PC: variants seen among roughly 807,000 people sequenced by gnomAD.
The protein encoded by PC is pyruvate carboxylase.
In PC, 46 loss-of-function variants were observed where a neutral mutation model predicts 107.8. That is an observed-to-expected ratio of 0.43 (90% CI 0.34 to 0.55). The LOEUF (loss-of-function observed/expected upper bound fraction) is 0.55. Ranked by LOEUF, PC falls within the 20% of genes least tolerant of loss-of-function variation. The pLI is 0.04. For synonymous variants in PC, 662 were observed against 684.7 expected (o/e 0.97, Z 0.52); for missense variants, 1,241 against 1,643.1 (o/e 0.76, Z 4.23).
Position 66,857,816 on chromosome 11 carries a change from G to A in PC, c.1369-4433C>T, listed in dbSNP as rs368861787. 6.2e-7 allele frequency: 1 copy of A among 1,602,924 alleles called. No individual in the cohort carries two copies. The highest frequency in any genetic ancestry group is 8.5e-7 in the Non-Finnish European group (1 of 1,179,726). On this transcript the variant is annotated intron_variant, in intron 12 of 22. Coordinates refer to ENST00000393960, the MANE Select transcript of PC (RefSeq NM_001040716.2). This position sits in a 1 kb window ranked among gnomAD's most constrained non-coding sequence, Gnocchi z 7.1. ...CCTGCCCGCTGCCCTGCGTCTGCCAGAACCTGTCCGAGTCGCTCAGCACCC... is the reference window on the plus strand; with the variant it reads ...CCTGCCCGCTGCCCTGCGTCTGCCAAAACCTGTCCGAGTCGCTCAGCACCC...
chr11:66,915,463 C>T (rs940087239), intron 3 of PC, among the ~76,000 whole-genome samples: 11 of 152,226 alleles, frequency 7.2e-5, no homozygotes, highest in African/African-American at 2.4e-4. Flanking sequence ...GCTGTGTCTC[C>T]AGCATGAAGC....
In PC at chr11:66,870,760, G is replaced by T. The variant is rs202075789; in HGVS notation, c.751+15C>A. 3.6e-5 allele frequency: 57 copies of T among 1,604,956 alleles called. No individual in the cohort carries two copies. The highest frequency in any genetic ancestry group is 4.5e-5 in the Non-Finnish European group (53 of 1,175,028). On this transcript the variant is annotated intron_variant, in intron 8 of 22. Coordinates refer to ENST00000393960, the MANE Select transcript of PC (RefSeq NM_001040716.2). The surrounding 1 kb of genome is among the most constrained non-coding windows in gnomAD (Gnocchi z 6.1). Reference sequence around the variant, plus strand: ...CGCCTCCAGCTGCCCCAGGCGGGGCGTCAGGACCACTCACCCAAGATCTGC... The same window carrying T: ...CGCCTCCAGCTGCCCCAGGCGGGGCTTCAGGACCACTCACCCAAGATCTGC...
At chr11:66,948,611 G>A (rs918109708) in intron 3 of PC, among the ~76,000 whole-genome samples, 12 of 152,182 alleles carry the variant, frequency 7.9e-5, no homozygotes, top group African/African-American at 1.4e-4. Context: ...AGGCCAAGGC[G>A]GGCTGATTGC....
intron 18 of PC, 64 bp from the exon 19 acceptor site, chr11:66,850,528 A>G (rs1417391144): frequency 2.4e-5 from 38 of 1,610,818 alleles, no homozygotes; most frequent in Non-Finnish European, 2.5e-6. Context: ...ACCCAGGGCT[A>G]GCTCAGGTCC....
chr11:66,918,059 C>A (rs967618805), intron 3 of PC, among the ~76,000 whole-genome samples: 4 of 152,166 alleles, frequency 2.6e-5, no homozygotes, highest in African/African-American at 9.7e-5. Flanking sequence ...AGCCTGTGAG[C>A]CCTCTAGGTG....
chr11:66,898,657 G>A (rs2136035350), intron 3 of PC, among the ~76,000 whole-genome samples: 1 of 152,280 alleles, frequency 6.6e-6, no homozygotes, highest in African/African-American at 2.4e-5. Flanking sequence ...TCCAGCCTGG[G>A]CGACAGAGCA....
chr11:66,941,446 A>G (rs1324288803), intron 3 of PC, among the ~76,000 whole-genome samples: 6 of 152,246 alleles, frequency 3.9e-5, no homozygotes, highest in African/African-American at 1.4e-4. Flanking sequence ...AAGTGTCCAC[A>G]GATATATGAA....
chr11:66,911,130 GT>G (rs1048097364), intron 3 of PC, among the ~76,000 whole-genome samples: 19 of 152,226 alleles, frequency 1.2e-4, no homozygotes, highest in African/African-American at 4.1e-4. Flanking sequence ...GTCAGCCCTT[GT>G]AATAATAGCC....
Position 66,852,377 on chromosome 11 carries a change from G to C in PC, c.1825+62C>G. Reference sequence around the variant, plus strand: ...AGCTTGTCCCCAGTGGCCTAAGCCTGTGGGACTGGCCACAGAGCGGGCGCC... The same window carrying C: ...AGCTTGTCCCCAGTGGCCTAAGCCTCTGGGACTGGCCACAGAGCGGGCGCC... On this transcript the variant is annotated intron_variant, in intron 15 of 22. Transcript: ENST00000393960. This position sits in a 1 kb window ranked among gnomAD's most constrained non-coding sequence, Gnocchi z 4.7. 1 of 1,344,466 alleles carries C rather than the reference G, an allele frequency of 7.4e-7. No homozygotes were observed. Among genetic ancestry groups the C allele is most frequent in the Non-Finnish European group, 1.1e-6 (1 of 935,230 alleles). 83.3% of individuals were successfully genotyped at this position (1,344,466 alleles called of 1,614,324 possible). A position where few individuals can be genotyped will look rare whatever the true frequency, so the allele number is the denominator to read the frequency against.
intron 3 of PC, among the ~76,000 whole-genome samples, chr11:66,876,091 G>C (rs1946966943): frequency 6.6e-6 from 1 of 152,224 alleles, no homozygotes. Flanking sequence ...ACAATGGTGA[G>C]AGCCACACAC....
chr11:66,853,403 G>A lies in PC; in HGVS notation c.1369-20C>T, dbSNP rs750466581. The A allele has an allele frequency of 1.2e-6, 2 of 1,613,462 alleles. No homozygotes were observed. Reference sequence around the variant, plus strand: ...GTTGGTCTGCAGGACAGAGGCGGGTGGGAGGGGGTCACCATGCAGCACAGA... The same window carrying A: ...GTTGGTCTGCAGGACAGAGGCGGGTAGGAGGGGGTCACCATGCAGCACAGA... On this transcript the variant is annotated intron_variant, in intron 12 of 22. Coordinates refer to ENST00000393960, the MANE Select transcript of PC (RefSeq NM_001040716.2).
Position 66,857,512 on chromosome 11 carries a change from G to C in PC, c.1369-4129C>G, listed in dbSNP as rs2135856941. ...TGCCTCATGCCTCACCTTGTCCCCAGCGCCTGGACTCCCCCTTAACTGCTT... is the reference window on the plus strand; with the variant it reads ...TGCCTCATGCCTCACCTTGTCCCCACCGCCTGGACTCCCCCTTAACTGCTT... On this transcript the variant is annotated intron_variant, in intron 12 of 22. Coordinates refer to ENST00000393960, the MANE Select transcript of PC (RefSeq NM_001040716.2). This position sits in a 1 kb window ranked among gnomAD's most constrained non-coding sequence, Gnocchi z 7.1. 1.8e-5 allele frequency: 9 copies of C among 507,908 alleles called. No homozygotes were observed. In the East Asian group the frequency reaches 2.8e-4, roughly 16 times the overall value. 31.5% of individuals were successfully genotyped at this position (507,908 alleles called of 1,614,324 possible).
intron 3 of PC, among the ~76,000 whole-genome samples, chr11:66,913,674 A>G (rs1037031224): frequency 2.6e-5 from 4 of 151,430 alleles, no homozygotes; most frequent in African/African-American, 9.7e-5. Flanking sequence ...AAAAAAAAAA[A>G]AAAAGAAAGA....
intron 3 of PC, among the ~76,000 whole-genome samples, chr11:66,872,572 CA>C (rs879567217): frequency 1.6e-3 from 229 of 138,838 alleles, no homozygotes; most frequent in Non-Finnish European, 1.6e-3. Flanking sequence ...ACTAAAAATA[CA>C]AAAAAAAAAA....
intron 2 of PC, among the ~76,000 whole-genome samples, chr11:66,953,885 G>T (rs1949494022): frequency 6.6e-6 from 1 of 152,180 alleles, no homozygotes; most frequent in African/African-American, 2.4e-5. Context: ...TCCGTCATTT[G>T]TAAGAGATGG....
chr11:66,890,259 G>A (rs905845450), intron 3 of PC, among the ~76,000 whole-genome samples: 4 of 152,174 alleles, frequency 2.6e-5, no homozygotes, highest in Non-Finnish European at 5.9e-5. Context: ...CTCACCAGAC[G>A]CTGAATCTGC....
intron 21 of PC, 89 bp from the exon 22 acceptor site, chr11:66,849,459 C>A: frequency 6.2e-7 from 1 of 1,603,766 alleles, no homozygotes; most frequent in Non-Finnish European, 8.5e-7. Flanking sequence ...CCACACTGGG[C>A]CTTGGCTCCT....
chr11:66,873,840 T>C (rs145310361), intron 3 of PC, among the ~76,000 whole-genome samples: 7,760 of 151,970 alleles, frequency 0.051, 318 homozygotes, highest in East Asian at 0.11. Flanking sequence ...TGATCTCTGC[T>C]CACTGTAACC....
Position 66,849,146 on chromosome 11 carries a change from T to C in PC, c.3290A>G (p.Glu1097Gly). The C allele has an allele frequency of 6.2e-7, 1 of 1,613,878 alleles. No homozygotes were observed. Among genetic ancestry groups the C allele is most frequent in the Non-Finnish European group, 8.5e-7 (1 of 1,180,000 alleles). ...ILVKDTQAMK[E>G]MHFHPKALKD... The stretch of plus-strand genomic sequence containing the variant: ...TAGGGCCTTGGGGTGGAAGTGCATC[T>C]CCTGAAGACACAGGGCAGAGGGGAC... Residue 1097 changes from glutamate to glycine, a missense_variant and splice_region_variant, in exon 23 of 23, where the codon GAG becomes GGG. Physicochemically the swap from Glu to Gly is moderately conservative, Grantham distance 98. Around this residue, in one of 2 missense-constraint regions of PC, gnomAD observed 1,143 missense variants for 1,551.9 expected, o/e 0.74. Coordinates refer to ENST00000393960, the MANE Select transcript of PC (RefSeq NM_001040716.2).
Sources: gnomAD v4.1 joint callset for allele counts (sites outside exome capture counted in the v4.1 genomes callset) on GRCh38, gnomAD v4.1.1 for gene constraint, gnomAD v4.1.1 regional missense constraint, Gnocchi (gnomAD v3.1) non-coding constraint, MANE v1.5 for transcripts, NCBI Gene and HGNC (gene_info 2026-07-23, HGNC 2026-07-21) for gene names.